The following HS3ST3A1 variants were observed in gnomAD, a reference collection of about 807,000 sequenced individuals.
The protein encoded by HS3ST3A1 is heparan sulfate glucosamine 3-O-sulfotransferase 3A1.
Under a neutral mutation model 25.7 loss-of-function variants are expected in HS3ST3A1, and 19 were observed. The ratio of observed to expected loss-of-function variants is 0.74; its 90% CI spans 0.52 to 1.08. The LOEUF (loss-of-function observed/expected upper bound fraction) is 1.08. Ranked by LOEUF, HS3ST3A1 falls within the 50% of genes least tolerant of loss-of-function variation. HS3ST3A1 has a pLI of 0.00. For missense variants in HS3ST3A1, 459 were observed against 594.3 expected (o/e 0.77, Z 2.37); for synonymous variants, 226 against 278.6 (o/e 0.81, Z 1.88).
In HS3ST3A1 at chr17:13,601,913, C is replaced by T. The variant is rs1598439273; in HGVS notation, c.-784G>A. 1 of 4,920 alleles carries T rather than the reference C, an allele frequency of 2.0e-4. No homozygotes were observed. Among genetic ancestry groups the T allele is most frequent in the East Asian group, 0.016 (1 of 62 alleles). The allele number at this position is 4,920 out of a possible 1,614,324, so 0.3% of individuals were successfully genotyped here. A position where few individuals can be genotyped will look rare whatever the true frequency, so the allele number is the denominator to read the frequency against. ...GCTCGCAGGCGCTCACCGGCTGCCTCCTGGGCCGCCGCTGGCCGCCGCCAC... is the reference window on the plus strand; with the variant it reads ...GCTCGCAGGCGCTCACCGGCTGCCTTCTGGGCCGCCGCTGGCCGCCGCCAC... On this transcript the variant is annotated 5_prime_UTR_variant, in exon 1 of 2. Coordinates refer to ENST00000284110, the MANE Select transcript of HS3ST3A1 (RefSeq NM_006042.3).
In HS3ST3A1 at chr17:13,523,339, G is replaced by A. The variant is rs1327961448; in HGVS notation, c.600-26521C>T. ...TGAGCAGGAAACTGGATCAGTTAAC[G>A]GAAACAAATAACGTAGTAATGGGTA... On this transcript the variant is annotated intron_variant, in intron 1 of 1. Transcript: ENST00000284110. Among the ~76,000 whole-genome samples the A allele has an allele frequency of 3.4e-5, 5 of 148,124 alleles. No homozygotes were observed. The South Asian group carries it at 1.0e-3, about 31-fold the overall frequency.
intron 1 of HS3ST3A1, among the ~76,000 whole-genome samples, chr17:13,585,419 CA>C (rs1442465157): frequency 6.6e-6 from 1 of 150,962 alleles, no homozygotes; most frequent in Non-Finnish European, 1.5e-5. Context: ...AGGCTGGTCT[CA>C]AACTCCTGAC....
chr17:13,501,513 T>G (rs1365119695), intron 1 of HS3ST3A1, among the ~76,000 whole-genome samples: 1 of 152,200 alleles, frequency 6.6e-6, no homozygotes, highest in East Asian at 1.9e-4. Context: ...CTGGTTTTGC[T>G]AAAAGGGAAA....
At chr17:13,553,132 CA>C (rs1387918767) in intron 1 of HS3ST3A1, among the ~76,000 whole-genome samples, 1 of 152,148 alleles carries the variant, frequency 6.6e-6, no homozygotes, top group Non-Finnish European at 1.5e-5. Flanking sequence ...CTAAAGGGTG[CA>C]AACAAAATAC....
chr17:13,507,741 A>G (rs1205864008), intron 1 of HS3ST3A1, among the ~76,000 whole-genome samples: 1 of 152,198 alleles, frequency 6.6e-6, no homozygotes. Context: ...TATACAGCCA[A>G]ACAGAACTGT....
chr17:13,496,999 G>C (rs1214821764), intron 1 of HS3ST3A1, among the ~76,000 whole-genome samples, 181 bp from the exon 2 acceptor site: 1 of 152,146 alleles, frequency 6.6e-6, no homozygotes, highest in Non-Finnish European at 1.5e-5. Context: ...GTATTAAACG[G>C]AGAATAATAA....
chr17:13,530,365 A>G (rs1906567138), intron 1 of HS3ST3A1, among the ~76,000 whole-genome samples: 1 of 152,160 alleles, frequency 6.6e-6, no homozygotes, highest in Admixed American at 6.5e-5. Context: ...GGTAGTTCAC[A>G]TACATCATCT....
intron 1 of HS3ST3A1, among the ~76,000 whole-genome samples, chr17:13,529,608 T>C (rs1412197605): frequency 4.6e-5 from 7 of 152,220 alleles, no homozygotes; most frequent in African/African-American, 7.2e-5. Flanking sequence ...CCACAGACTT[T>C]AAAAGTCTAC....
At chr17:13,579,252 G>A (rs1908035556) in intron 1 of HS3ST3A1, among the ~76,000 whole-genome samples, 1 of 152,082 alleles carries the variant, frequency 6.6e-6, no homozygotes. Flanking sequence ...CATAGCCTTT[G>A]ACCTTATGAT....
chr17:13,540,493 G>A lies in HS3ST3A1; in HGVS notation c.600-43675C>T, dbSNP rs145004153. Among the ~76,000 whole-genome samples, 212 of 152,296 alleles carry A rather than the reference G, an allele frequency of 1.4e-3. 2 individuals carry two copies. Among genetic ancestry groups the A allele is most frequent in the Non-Finnish European group, 4.0e-4 (27 of 68,024 alleles). On this transcript the variant is annotated intron_variant, in intron 1 of 1. Coordinates refer to ENST00000284110, the MANE Select transcript of HS3ST3A1 (RefSeq NM_006042.3). Reference sequence around the variant, plus strand: ...ATGATTTGATGGACTAAAAATGCATGCTCAATTGATAAAATGTACCTTTTT... The same window carrying A: ...ATGATTTGATGGACTAAAAATGCATACTCAATTGATAAAATGTACCTTTTT...
chr17:13,536,375 C>A (rs571688116), intron 1 of HS3ST3A1, among the ~76,000 whole-genome samples: 1 of 152,006 alleles, frequency 6.6e-6, no homozygotes, highest in African/African-American at 2.4e-5. Context: ...CTTTTATAGA[C>A]GTGAGAAAAT....
At chr17:13,587,905 T>G (rs1908318361) in intron 1 of HS3ST3A1, among the ~76,000 whole-genome samples, 1 of 152,184 alleles carries the variant, frequency 6.6e-6, no homozygotes, top group South Asian at 2.1e-4. Flanking sequence ...CCTAATCCCA[T>G]TCCCACACAG....
chr17:13,568,194 T>C (rs897731906), intron 1 of HS3ST3A1, among the ~76,000 whole-genome samples: 1 of 152,230 alleles, frequency 6.6e-6, no homozygotes, highest in Non-Finnish European at 1.5e-5. Flanking sequence ...CAGCTGATCA[T>C]TAGTACTTTG....
intron 1 of HS3ST3A1, among the ~76,000 whole-genome samples, chr17:13,512,323 A>AAAAAT (rs1555537370): frequency 1.3e-5 from 2 of 151,036 alleles, no homozygotes; most frequent in African/African-American, 4.9e-5. Context: ...AAAAAAAAAA[A>AAAAAT]AAAACTGCAT....
At chr17:13,562,545 T>C (rs1236930876) in intron 1 of HS3ST3A1, among the ~76,000 whole-genome samples, 1 of 151,920 alleles carries the variant, frequency 6.6e-6, no homozygotes, top group African/African-American at 2.4e-5. Flanking sequence ...AAAGACAGAT[T>C]CAAAAACTGA....
intron 1 of HS3ST3A1, among the ~76,000 whole-genome samples, chr17:13,590,750 AAT>A (rs1285323938): frequency 1.3e-5 from 2 of 152,206 alleles, no homozygotes; most frequent in African/African-American, 4.8e-5. Flanking sequence ...ATGAAGATAG[AAT>A]AGTACTTGGG....
chr17:13,589,179 C>A (rs1160548153), intron 1 of HS3ST3A1, among the ~76,000 whole-genome samples: 2 of 152,108 alleles, frequency 1.3e-5, no homozygotes, highest in Non-Finnish European at 1.5e-5. Flanking sequence ...TATGTAAATT[C>A]TTTTCCAATC....
intron 1 of HS3ST3A1, among the ~76,000 whole-genome samples, chr17:13,522,447 A>C (rs1906278011): frequency 6.6e-6 from 1 of 152,182 alleles, no homozygotes; most frequent in Admixed American, 6.5e-5. Context: ...TTATTAACAC[A>C]AGTTTAGTGA....
chr17:13,496,749 C>G lies in HS3ST3A1; in HGVS notation c.669G>C (p.Arg223=). ...MEKTPSYFVT[R]EAPARISAMS... is the part of the protein sequence containing the mutation. ...TGGCCGAGATGCGCGCGGGGGCCTCCCGCGTGACGAAGTAACTGGGCGTCT... is the reference window on the plus strand; with the variant it reads ...TGGCCGAGATGCGCGCGGGGGCCTCGCGCGTGACGAAGTAACTGGGCGTCT... Residue 223 remains arginine, a synonymous_variant, in exon 2 of 2, where the codon CGG becomes CGC. Transcript: ENST00000284110. 1 of 1,614,118 alleles carries G rather than the reference C, an allele frequency of 6.2e-7. No homozygotes were observed. The highest frequency in any genetic ancestry group is 8.5e-7 in the Non-Finnish European group (1 of 1,179,980).
Sources: gnomAD v4.1 joint callset for allele counts (sites outside exome capture counted in the v4.1 genomes callset) on GRCh38, gnomAD v4.1.1 for gene constraint, MANE v1.5 for transcripts, NCBI Gene and HGNC (gene_info 2026-07-23, HGNC 2026-07-21) for gene names.